HMCN1: variants seen among roughly 807,000 people sequenced by gnomAD.
HMCN1 encodes hemicentin-1.
HMCN1 carries 321 observed loss-of-function variants against 625.9 expected under a neutral mutation model. The observed-to-expected ratio is 0.51, with a 90% confidence interval of 0.47 to 0.56. HMCN1 has a LOEUF of 0.56. HMCN1 is among the 20% of genes least tolerant of loss of function. HMCN1 has a pLI of 0.00. For missense variants in HMCN1, 6,588 were observed against 6,887.3 expected (o/e 0.96, Z 1.54); for synonymous variants, 2,425 against 2,417.6 (o/e 1.00, Z -0.09).
rs947861251 is a variant in HMCN1, at chr1:185,891,680, G to A, written c.622-17657G>A. Among the ~76,000 whole-genome samples the A allele has an allele frequency of 3.0e-4, 44 of 148,102 alleles. 2 individuals are homozygous for A. The highest frequency in any genetic ancestry group is 9.7e-4 in the East Asian group (5 of 5,166). Reference sequence around the variant, plus strand: ...TTGTAGAGTTTCTGCCGAGAGATCCGCTGTTAGTCTGATGGGCTTCCCTTT... The same window carrying A: ...TTGTAGAGTTTCTGCCGAGAGATCCACTGTTAGTCTGATGGGCTTCCCTTT... On this transcript the variant is annotated intron_variant, in intron 4 of 106. Transcript: ENST00000271588.
intron 100 of HMCN1, among the ~76,000 whole-genome samples, chr1:186,168,710 G>GA (rs1162973493): frequency 6.6e-6 from 1 of 151,946 alleles, no homozygotes; most frequent in Non-Finnish European, 1.5e-5. Context: ...GTTATGAGAG[G>GA]AAAATTTTGA....
chr1:186,129,271 T>A (rs1661801835), intron 83 of HMCN1, among the ~76,000 whole-genome samples: 1 of 151,500 alleles, frequency 6.6e-6, no homozygotes, highest in Non-Finnish European at 1.5e-5. Context: ...ACTGGTTTAG[T>A]CAGAATTTTA....
chr1:185,764,659 T>C (rs775815169), intron 1 of HMCN1, among the ~76,000 whole-genome samples: 4 of 152,162 alleles, frequency 2.6e-5, no homozygotes, highest in Non-Finnish European at 5.9e-5. Flanking sequence ...TTCTTCCTGG[T>C]CTCTTATTAA....
intron 29 of HMCN1, among the ~76,000 whole-genome samples, chr1:186,005,004 C>A (rs1349976228): frequency 6.6e-6 from 1 of 151,134 alleles, no homozygotes; most frequent in African/African-American, 2.5e-5. Flanking sequence ...AGAACAATAA[C>A]CTGACACCAT....
chr1:185,848,030 C>G (rs2102323228), intron 2 of HMCN1, among the ~76,000 whole-genome samples: 1 of 152,042 alleles, frequency 6.6e-6, no homozygotes, highest in East Asian at 1.9e-4. Context: ...CAAACAAATC[C>G]CAACAAACAA....
intron 64 of HMCN1, among the ~76,000 whole-genome samples, chr1:186,092,028 T>C (rs1659870561): frequency 6.6e-6 from 1 of 151,930 alleles, no homozygotes; most frequent in South Asian, 2.1e-4. Flanking sequence ...TACTACATAT[T>C]TGATGGTACC....
chr1:186,152,929 T>G, intron 96 of HMCN1, 58 bp downstream of exon 96: 1 of 1,603,060 alleles, frequency 6.2e-7, no homozygotes. Flanking sequence ...GAGTGAAAGG[T>G]CCATAGAATG....
At chr1:186,032,256 T>C (rs1655504703) in intron 36 of HMCN1, among the ~76,000 whole-genome samples, 1 of 151,958 alleles carries the variant, frequency 6.6e-6, no homozygotes, top group Admixed American at 6.6e-5. Flanking sequence ...GCAAAGGATG[T>C]GAATAGACAA....
chr1:186,145,119 G>C (rs1650230222), intron 91 of HMCN1, among the ~76,000 whole-genome samples: 1 of 152,230 alleles, frequency 6.6e-6, no homozygotes, highest in African/African-American at 2.4e-5. Context: ...CTTATCAAAA[G>C]CAGAGGTCCT....
intron 68 of HMCN1, among the ~76,000 whole-genome samples, chr1:186,098,419 C>A (rs1660236834): frequency 6.6e-6 from 1 of 151,950 alleles, no homozygotes; most frequent in Admixed American, 6.6e-5. Flanking sequence ...ATGTAAATGG[C>A]CAAGAGGTAT....
At position 186,095,101 on chromosome 1, in the gene HMCN1, G is replaced by A. The variant is rs1174720702; in HGVS notation, c.10295-142G>A. 3 of 775,760 alleles carry A rather than the reference G, an allele frequency of 3.9e-6. No individual in the cohort carries two copies. In the African/African-American group the frequency reaches 5.2e-5, roughly 14 times the overall value. The allele number at this position is 775,760 out of a possible 1,614,324, so 48.1% of individuals were successfully genotyped here. On this transcript the variant is annotated intron_variant, in intron 67 of 106. Coordinates refer to ENST00000271588, the MANE Select transcript of HMCN1 (RefSeq NM_031935.3). ...TCCTAATAGATATTTTTATTGTAAA[G>A]TCCTTAGTTATTATACACAATTTTA...
intron 1 of HMCN1, among the ~76,000 whole-genome samples, chr1:185,821,859 A>G (rs2102269861): frequency 6.6e-6 from 1 of 151,434 alleles, no homozygotes; most frequent in South Asian, 2.1e-4. Context: ...CTGGGAAATA[A>G]AGCTATTACC....
intron 5 of HMCN1, among the ~76,000 whole-genome samples, chr1:185,910,953 A>T (rs966053712): frequency 1.2e-4 from 18 of 152,160 alleles, no homozygotes; most frequent in African/African-American, 4.3e-4. Context: ...CTTAATGCCA[A>T]ATTTGCTTTT....
intron 24 of HMCN1, among the ~76,000 whole-genome samples, chr1:185,996,315 A>G (rs1438644350): frequency 1.3e-5 from 2 of 152,126 alleles, no homozygotes; most frequent in African/African-American, 4.8e-5. Context: ...AGAAGGACAT[A>G]GAATATGAAG....
In HMCN1 at chr1:185,995,132, G is replaced by A. The variant is rs1241179715; in HGVS notation, c.3778+45G>A. On this transcript the variant is annotated intron_variant, in intron 24 of 106. Coordinates refer to ENST00000271588, the MANE Select transcript of HMCN1 (RefSeq NM_031935.3). ...AATATATGTATGTAGGGTGGGGAGTGAGAGAAAAGCCCTAGAGCTAAATAG... is the reference window on the plus strand; with the variant it reads ...AATATATGTATGTAGGGTGGGGAGTAAGAGAAAAGCCCTAGAGCTAAATAG... 5 of 1,558,688 alleles carry A rather than the reference G, an allele frequency of 3.2e-6. No individual in the cohort carries two copies. The South Asian group carries it at 3.3e-5, about 10-fold the overall frequency.
At chr1:185,996,260 G>A (rs1024100713) in intron 24 of HMCN1, among the ~76,000 whole-genome samples, 10 of 152,144 alleles carry the variant, frequency 6.6e-5, no homozygotes, top group African/African-American at 2.4e-4. Flanking sequence ...GTAGGTAGAA[G>A]TGAGGGGCAG....
intron 6 of HMCN1, among the ~76,000 whole-genome samples, chr1:185,918,068 A>T (rs781160935): frequency 6.6e-6 from 1 of 152,224 alleles, no homozygotes; most frequent in Non-Finnish European, 1.5e-5. Flanking sequence ...GGATATATAC[A>T]TATATGAAAG....
chr1:186,158,361 C>T lies in HMCN1; in HGVS notation c.15256+4374C>T, dbSNP rs866993749. Among the ~76,000 whole-genome samples the T allele has an allele frequency of 5.3e-5, 8 of 151,776 alleles. 1 individual carries two copies. Among genetic ancestry groups the T allele is most frequent in the East Asian group, 3.9e-4 (2 of 5,192 alleles). ...AGCCCATTGTCAGATAAGTAGGTTG[C>T]GAAAATTTTCTCCCATGCTGTAGGT... is the stretch of plus-strand genomic sequence containing the variant. On this transcript the variant is annotated intron_variant, in intron 97 of 106. Coordinates refer to ENST00000271588, the MANE Select transcript of HMCN1 (RefSeq NM_031935.3).
intron 71 of HMCN1, among the ~76,000 whole-genome samples, chr1:186,110,974 A>ATTTTTTTT (rs778503338): frequency 5.0e-5 from 3 of 59,948 alleles, no homozygotes; most frequent in African/African-American, 4.7e-4. Flanking sequence ...ACCAGAGAAA[A>ATTTTTTTT]TTCTTTTTTT....
Sources: gnomAD v4.1 joint callset for allele counts (sites outside exome capture counted in the v4.1 genomes callset) on GRCh38, gnomAD v4.1.1 for gene constraint, MANE v1.5 for transcripts, NCBI Gene and HGNC (gene_info 2026-07-23, HGNC 2026-07-21) for gene names.